MAP2K2: variants seen among roughly 807,000 people sequenced by gnomAD.
MAP2K2 encodes dual specificity mitogen-activated protein kinase kinase 2.
MAP2K2 carries 24 observed loss-of-function variants against 43.7 expected under a neutral mutation model. The observed-to-expected ratio is 0.55, with a 90% CI of 0.40 to 0.77. The LOEUF (loss-of-function observed/expected upper bound fraction) is 0.77, where lower values mean the gene tolerates loss of function less well. Ranked by LOEUF, MAP2K2 falls within the 30% of genes least tolerant of loss-of-function variation. The probability of loss-of-function intolerance (pLI) is 0.00; values close to 1 mark genes in which losing one functional copy is unlikely to be tolerated. For synonymous variants in MAP2K2, 244 were observed against 239.7 expected, an observed-to-expected ratio of 1.02 and a Z score of -0.17; for missense variants, 470 against 566.8, an observed-to-expected ratio of 0.83 and a Z score of 1.73.
At chr19:4,093,822 C>T (rs1429370747) in intron 10 of MAP2K2, among the ~76,000 whole-genome samples, 2 of 152,162 alleles carry the variant, frequency 1.3e-5, no homozygotes, top group Non-Finnish European at 2.9e-5. Flanking sequence ...GTGGCATCTC[C>T]AATCCGCCAA....
intron 8 of MAP2K2, among the ~76,000 whole-genome samples, chr19:4,096,909 A>G (rs917251331): frequency 2.0e-5 from 3 of 152,072 alleles, no homozygotes; most frequent in Non-Finnish European, 2.9e-5. Context: ...TGTGCAGCAC[A>G]GTAGAAGATG....
chr19:4,092,262 C>T (rs556532267), intron 10 of MAP2K2, among the ~76,000 whole-genome samples: 1 of 152,258 alleles, frequency 6.6e-6, no homozygotes, highest in East Asian at 1.9e-4. Context: ...TGGCTAGGTC[C>T]AGGATACCCA....
chr19:4,102,735 C>T (rs933730043), intron 3 of MAP2K2: 71 of 1,297,562 alleles, frequency 5.5e-5, no homozygotes, highest in Middle Eastern at 3.0e-4. Context: ...GAGGTCGCCA[C>T]GGCAGAGGCT....
intron 7 of MAP2K2, among the ~76,000 whole-genome samples, chr19:4,097,764 C>T (rs949176677): frequency 2.0e-5 from 3 of 152,110 alleles, no homozygotes; most frequent in Non-Finnish European, 2.9e-5. Flanking sequence ...CCACTCAGGA[C>T]GGGAGACTGG....
At chr19:4,104,300 G>A (rs551310973) in intron 3 of MAP2K2, among the ~76,000 whole-genome samples, 23 of 147,956 alleles carry the variant, frequency 1.6e-4, no homozygotes, top group South Asian at 6.4e-4. Flanking sequence ...ACGTGGTGGC[G>A]CACACCTATA....
intron 1 of MAP2K2, among the ~76,000 whole-genome samples, chr19:4,117,921 C>T (rs2041246293): frequency 6.6e-6 from 1 of 152,094 alleles, no homozygotes; most frequent in Admixed American, 6.6e-5. Flanking sequence ...ACCCAGGAAG[C>T]CTCCGTCTTT....
intron 2 of MAP2K2, among the ~76,000 whole-genome samples, chr19:4,117,017 C>G (rs996257567): frequency 6.6e-6 from 1 of 152,242 alleles, no homozygotes; most frequent in Non-Finnish European, 1.5e-5. Context: ...GCTGCGTAGG[C>G]GGTCTGTCAC....
At position 4,090,376 on chromosome 19, in the gene MAP2K2, A is replaced by T; in HGVS notation, c.*222T>A. 2 of 604,856 alleles carry T rather than the reference A, an allele frequency of 3.3e-6. No homozygotes were observed. The highest frequency in any genetic ancestry group is 5.9e-6 in the Non-Finnish European group (2 of 338,256). 37.5% of individuals were successfully genotyped at this position (604,856 alleles called of 1,614,324 possible). A position where few individuals can be genotyped will look rare whatever the true frequency, so the allele number is the denominator to read the frequency against. On this transcript the variant is annotated 3_prime_UTR_variant, in exon 11 of 11. Coordinates refer to ENST00000262948, the MANE Select transcript of MAP2K2 (RefSeq NM_030662.4). ...AACCTAAGGAAGCAGAGCCTCTGAGACCACACACAGCAGCGTCGCCCGTCC... is the reference window on the plus strand; with the variant it reads ...AACCTAAGGAAGCAGAGCCTCTGAGTCCACACACAGCAGCGTCGCCCGTCC...
intron 8 of MAP2K2, among the ~76,000 whole-genome samples, chr19:4,096,147 C>A (rs563275751): frequency 6.6e-6 from 1 of 152,328 alleles, no homozygotes; most frequent in South Asian, 2.1e-4. Context: ...GCGGGAGTGG[C>A]CGTGTAAGCG....
intron 10 of MAP2K2, among the ~76,000 whole-genome samples, chr19:4,091,995 C>T (rs180753884): frequency 2.6e-5 from 4 of 152,266 alleles, no homozygotes; most frequent in African/African-American, 9.6e-5. Context: ...GGTTCCTGTA[C>T]AGGACAGCAC....
intron 10 of MAP2K2, among the ~76,000 whole-genome samples, chr19:4,093,842 G>A (rs548355840): frequency 6.6e-5 from 10 of 152,282 alleles, no homozygotes; most frequent in Middle Eastern, 3.4e-3. Context: ...ATCAGCTGTC[G>A]AGGGGTTTGA....
At chr19:4,102,674 TC>T in intron 3 of MAP2K2, 1 of 1,039,500 alleles carries the variant, frequency 9.6e-7, no homozygotes, top group Non-Finnish European at 1.4e-6. Context: ...GGCCCAGGGT[TC>T]CCCCGCCTCC....
At chr19:4,094,251 C>G (rs1046428249) in intron 10 of MAP2K2, among the ~76,000 whole-genome samples, 1 of 152,182 alleles carries the variant, frequency 6.6e-6, no homozygotes, top group Non-Finnish European at 1.5e-5. Context: ...CTCTGCTCCC[C>G]GCAGCCAGCC....
intron 10 of MAP2K2, among the ~76,000 whole-genome samples, chr19:4,092,233 A>C (rs1464117438): frequency 6.6e-6 from 1 of 152,172 alleles, no homozygotes; most frequent in Non-Finnish European, 1.5e-5. Flanking sequence ...AAAACCAACC[A>C]ACTTGATAGG....
At position 4,090,539 on chromosome 19, in the gene MAP2K2, G is replaced by A. The variant is rs951240853; in HGVS notation, c.*59C>T. The stretch of plus-strand genomic sequence containing the variant: ...CCAGCCTGTCCTCAGCTGGAAGGGC[G>A]GGGCATGGACAGGGACGGTGGGCAG... On this transcript the variant is annotated 3_prime_UTR_variant, in exon 11 of 11. Transcript: ENST00000262948. 31 of 1,375,624 alleles carry A rather than the reference G, an allele frequency of 2.3e-5. No individual in the cohort carries two copies. Among genetic ancestry groups the A allele is most frequent in the Admixed American group, 1.4e-4 (7 of 50,720 alleles). 85.2% of individuals were successfully genotyped at this position (1,375,624 alleles called of 1,614,324 possible).
chr19:4,099,490 C>T, intron 6 of MAP2K2, 76 bp from the exon 7 acceptor site: 9 of 1,151,932 alleles, frequency 7.8e-6, no homozygotes, highest in Non-Finnish European at 1.1e-5. Context: ...TGCCCCGTTA[C>T]AGCCCCCGTC....
intron 1 of MAP2K2, among the ~76,000 whole-genome samples, chr19:4,121,528 G>A (rs2041292597): frequency 8.8e-6 from 1 of 113,892 alleles, no homozygotes; most frequent in Non-Finnish European, 1.8e-5. Flanking sequence ...ACCCCAACAT[G>A]AGACCCCTAG....
Position 4,099,368 on chromosome 19 carries a change from C to T in MAP2K2, c.752G>A (p.Trp251Ter), listed in dbSNP as rs971320187. ...GTHYSVQSDI[W>*]SMGLSLVELA... ...CTCCACCAGGGACAGGCCCATGCTC[C>T]AGATGTCCGACTGCACCGAGTAATG... is the stretch of plus-strand genomic sequence containing the variant. Residue 251 changes from tryptophan (W) to a stop codon, truncating the protein, a stop_gained, in exon 7 of 11, where the codon TGG (tryptophan) becomes TAG (stop). Coordinates refer to ENST00000262948, the MANE Select transcript of MAP2K2 (RefSeq NM_030662.4). LOFTEE classifies it high-confidence loss of function. The T allele has an allele frequency of 6.2e-7, 1 of 1,611,844 alleles. No homozygotes were observed. The highest frequency in any genetic ancestry group is 2.2e-5 in the East Asian group (1 of 44,814).
At chr19:4,096,364 C>T (rs2040917486) in intron 8 of MAP2K2, among the ~76,000 whole-genome samples, 1 of 152,330 alleles carries the variant, frequency 6.6e-6, no homozygotes, top group East Asian at 1.9e-4. Context: ...CTCAAATGCC[C>T]GTTTCTCTGC....
Sources: allele counts gnomAD v4.1 joint callset (sites outside exome capture counted in the v4.1 genomes callset), GRCh38; gene constraint gnomAD v4.1.1; transcripts MANE v1.5; gene names NCBI Gene and HGNC (gene_info 2026-07-23, HGNC 2026-07-21).